Variants in CUX1 observed in about 807,000 individuals in gnomAD.
CUX1 encodes the protein cut like homeobox 1, also known as protein CASP.
Under a neutral mutation model 158.8 loss-of-function variants are expected in CUX1, and 31 were observed. The ratio of observed to expected loss-of-function variants is 0.20; its 90% CI spans 0.15 to 0.26. CUX1 has a LOEUF of 0.26. Ranked by LOEUF, CUX1 falls within the 10% of genes least tolerant of loss-of-function variation. CUX1 has a pLI of 1.00. For missense variants in CUX1, 1,589 were observed against 2,014.6 expected (o/e 0.79, Z 4.04); for synonymous variants, 879 against 862.1 (o/e 1.02, Z -0.34).
At chr7:101,856,103 C>T (rs1484853454) in intron 1 of CUX1, among the ~76,000 whole-genome samples, 1 of 147,394 alleles carries the variant, frequency 6.8e-6, no homozygotes, top group African/African-American at 2.5e-5. Context: ...TCGCTTGAGT[C>T]CAGCAGGAGG....
chr7:102,098,440 T>C (rs1829424122), intron 5 of CUX1, among the ~76,000 whole-genome samples: 2 of 152,064 alleles, frequency 1.3e-5, no homozygotes, highest in South Asian at 4.1e-4. Context: ...AGCAATACTC[T>C]GTCTCTACAG....
chr7:101,994,844 CT>C (rs1256408522), intron 2 of CUX1, among the ~76,000 whole-genome samples: 1 of 149,164 alleles, frequency 6.7e-6, no homozygotes, highest in Non-Finnish European at 1.5e-5. Context: ...AATCCCAGCA[CT>C]TTGGAAGGCT....
chr7:101,929,130 C>T (rs1263711904), intron 2 of CUX1, among the ~76,000 whole-genome samples: 5 of 151,902 alleles, frequency 3.3e-5, no homozygotes, highest in African/African-American at 1.2e-4. Flanking sequence ...AAGCCAAGAT[C>T]GTGCCACTGC....
chr7:102,045,800 T>G (rs1170782208), intron 3 of CUX1, among the ~76,000 whole-genome samples: 4 of 152,214 alleles, frequency 2.6e-5, no homozygotes, highest in Non-Finnish European at 5.9e-5. Flanking sequence ...CTGGTAGATT[T>G]CTTGGATGTT....
At chr7:102,274,147 C>A in intron 15 of CUX1, 1 of 1,265,674 alleles carries the variant, frequency 7.9e-7, no homozygotes, top group Non-Finnish European at 1.1e-6. Context: ...CCACTCCTTG[C>A]CACACCCACC....
Position 102,249,913 on chromosome 7 carries a change from C to G in CUX1, c.*871C>G. 1.0e-6 allele frequency: 1 copy of G among 985,714 alleles called. No homozygotes were observed. The highest frequency in any genetic ancestry group is 1.7e-5 in the African/African-American group (1 of 57,326). The allele number at this position is 985,714 out of a possible 1,614,324, so 61.1% of individuals were successfully genotyped here. ...TCAGGAAACTCTGATTTTGTGGTAG[C>G]TGACATAGTGTTTTCTTGTACGTGA... On this transcript the variant is annotated 3_prime_UTR_variant, in exon 24 of 24. Coordinates refer to ENST00000292535, the MANE Select transcript of CUX1 (RefSeq NM_181552.4).
rs781963334 is a variant in CUX1 at position 102,196,585 on chromosome 7, T to TC, written c.1223-44dup. On this transcript the variant is annotated intron_variant, in intron 14 of 23. Transcript: ENST00000292535. ...TTGCATTTTGGTCTTGGTTTTTTTT[T>TC]CCCCCTTTGGAATCCCCCATAATGC... is the stretch of plus-strand genomic sequence containing the variant. 3.6e-6 allele frequency: 5 copies of TC among 1,407,540 alleles called. No homozygotes were observed. In the Admixed American group the frequency reaches 7.6e-5, roughly 21 times the overall value. The allele number at this position is 1,407,540 out of a possible 1,614,324, so 87.2% of individuals were successfully genotyped here.
chr7:101,850,889 A>G (rs1350588015), intron 1 of CUX1, among the ~76,000 whole-genome samples: 1 of 152,198 alleles, frequency 6.6e-6, no homozygotes, highest in Non-Finnish European at 1.5e-5. Context: ...ACCGGAGGCC[A>G]GGAGCTCTTG....
At chr7:102,277,305 A>G (rs1158174794) in intron 17 of CUX1, among the ~76,000 whole-genome samples, 1 of 152,010 alleles carries the variant, frequency 6.6e-6, no homozygotes. Flanking sequence ...TCTAAAATAT[A>G]TAGACAGGGG....
At chr7:101,915,151 G>C (rs762034265) in intron 1 of CUX1, among the ~76,000 whole-genome samples, 2 of 152,310 alleles carry the variant, frequency 1.3e-5, no homozygotes, top group African/African-American at 4.8e-5. Context: ...TTGCCAAAGC[G>C]ACTCGGCAGG....
At chr7:101,883,919 G>A (rs1278810646) in intron 1 of CUX1, among the ~76,000 whole-genome samples, 1 of 147,014 alleles carries the variant, frequency 6.8e-6, no homozygotes, top group Non-Finnish European at 1.5e-5. Context: ...TTTTTTATAA[G>A]ATAGGATCTT....
At chr7:102,016,165 G>T (rs10230180) in intron 2 of CUX1, among the ~76,000 whole-genome samples, 64,045 of 151,648 alleles carry the variant, frequency 0.42, 14,083 homozygotes, top group Non-Finnish European at 0.46. Context: ...CCAGGCTGGT[G>T]TTGAGCTCCA....
In CUX1 at chr7:101,975,879, G is replaced by A. The variant is rs184592727; in HGVS notation, c.142-52219G>A. On this transcript the variant is annotated intron_variant, in intron 2 of 23. Coordinates refer to ENST00000292535, the MANE Select transcript of CUX1 (RefSeq NM_181552.4). ...ATTAAGGCCGGGCACAGCTGCTCACGCCTGTAACCCCAGCACTTTGGGAGG... is the reference window on the plus strand; with the variant it reads ...ATTAAGGCCGGGCACAGCTGCTCACACCTGTAACCCCAGCACTTTGGGAGG... Among the ~76,000 whole-genome samples the A allele has an allele frequency of 2.6e-5, 4 of 152,260 alleles. No homozygotes were observed. The East Asian group carries it at 5.8e-4, about 22-fold the overall frequency.
intron 8 of CUX1, among the ~76,000 whole-genome samples, chr7:102,119,602 T>A (rs1457554593): frequency 6.6e-6 from 1 of 152,264 alleles, no homozygotes; most frequent in East Asian, 1.9e-4. Context: ...GTTTAATATT[T>A]GTTGGAACAT....
At chr7:101,883,203 T>G (rs1254129648) in intron 1 of CUX1, among the ~76,000 whole-genome samples, 1 of 152,224 alleles carries the variant, frequency 6.6e-6, no homozygotes, top group African/African-American at 2.4e-5. Context: ...CCTTGATGAT[T>G]ATTATTCTTT....
intron 1 of CUX1, among the ~76,000 whole-genome samples, chr7:101,903,835 A>C (rs1436749560): frequency 6.6e-6 from 1 of 152,168 alleles, no homozygotes; most frequent in Non-Finnish European, 1.5e-5. Flanking sequence ...TGAAAAACAA[A>C]AAAACAAATT....
At chr7:101,827,244 C>CCTTCTCTTCTCTTCTCTTCT (rs538996031) in intron 1 of CUX1, among the ~76,000 whole-genome samples, 9,709 of 129,660 alleles carry the variant, frequency 0.075, 516 homozygotes, top group East Asian at 0.18. Context: ...CCCCTCCCCT[C>CCTTCTCTTCTCTTCTCTTCT]CTTCTCTTCT....
At chr7:101,955,381 T>A (rs755209717) in intron 2 of CUX1, among the ~76,000 whole-genome samples, 3 of 152,328 alleles carry the variant, frequency 2.0e-5, no homozygotes, top group Non-Finnish European at 4.4e-5. Context: ...ATTCTCTCAT[T>A]CAGTCTTTAC....
At chr7:102,034,476 C>T (rs1184251974) in intron 3 of CUX1, among the ~76,000 whole-genome samples, 1 of 151,926 alleles carries the variant, frequency 6.6e-6, no homozygotes, top group Non-Finnish European at 1.5e-5. Flanking sequence ...AAAAACAGGC[C>T]GGGCACTGTG....
Sources: gnomAD v4.1 joint callset for allele counts (sites outside exome capture counted in the v4.1 genomes callset) on GRCh38, gnomAD v4.1.1 for gene constraint, MANE v1.5 for transcripts, NCBI Gene and HGNC (gene_info 2026-07-23, HGNC 2026-07-21) for gene names.